MLLT3: variants seen among roughly 807,000 people sequenced by gnomAD.
MLLT3 encodes the protein MLLT3 super elongation complex subunit.
In MLLT3, 4 loss-of-function variants were observed where a neutral mutation model predicts 53.2. The observed-to-expected ratio is 0.08, with a 90% CI of 0.04 to 0.17. The LOEUF is 0.17. MLLT3 is among the 10% of genes least tolerant of loss of function. MLLT3 has a pLI of 1.00. For missense variants in MLLT3, 569 were observed against 684.0 expected (o/e 0.83, Z 1.87); for synonymous variants, 283 against 230.6 (o/e 1.23, Z -2.06).
intron 2 of MLLT3, among the ~76,000 whole-genome samples, chr9:20,567,544 A>G (rs1819411814): frequency 6.6e-6 from 1 of 152,086 alleles, no homozygotes; most frequent in Non-Finnish European, 1.5e-5. Context: ...ATTTCATTTA[A>G]TTTGGCTTAT....
chr9:20,457,455 G>A (rs1038956706), intron 2 of MLLT3, among the ~76,000 whole-genome samples: 1 of 151,554 alleles, frequency 6.6e-6, no homozygotes, highest in African/African-American at 2.4e-5. Flanking sequence ...CTCCATGTTG[G>A]TCATGCTGGT....
intron 2 of MLLT3, among the ~76,000 whole-genome samples, chr9:20,483,671 TAAC>T (rs1347733749): frequency 4.7e-5 from 7 of 147,772 alleles, no homozygotes; most frequent in Non-Finnish European, 8.9e-5. Flanking sequence ...GATGTTACAC[TAAC>T]GAGATAACAC....
intron 5 of MLLT3, among the ~76,000 whole-genome samples, chr9:20,381,763 T>C (rs1391019228): frequency 6.6e-6 from 1 of 151,894 alleles, no homozygotes; most frequent in Non-Finnish European, 1.5e-5. Flanking sequence ...TTTACTTTTA[T>C]ATTTAAAAAT....
chr9:20,511,432 C>T (rs1432001693), intron 2 of MLLT3, among the ~76,000 whole-genome samples: 1 of 152,144 alleles, frequency 6.6e-6, no homozygotes, highest in African/African-American at 2.4e-5. Flanking sequence ...TTAAGTATAA[C>T]ACAATGAGTT....
intron 2 of MLLT3, among the ~76,000 whole-genome samples, chr9:20,459,133 A>G (rs1824045383): frequency 6.6e-6 from 1 of 152,160 alleles, no homozygotes; most frequent in Non-Finnish European, 1.5e-5. Context: ...TATTACAGAA[A>G]TGATGTTGAT....
intron 5 of MLLT3, among the ~76,000 whole-genome samples, chr9:20,374,701 T>C (rs142557925): frequency 6.6e-6 from 1 of 152,184 alleles, no homozygotes; most frequent in Non-Finnish European, 1.5e-5. Flanking sequence ...TAAAAAGATA[T>C]ATAAAAATGA....
In MLLT3 at chr9:20,620,954, G is replaced by A. The variant is rs780279461; in HGVS notation, c.13-120C>T. 8.7e-7 allele frequency: 1 copy of A among 1,145,370 alleles called. No individual in the cohort carries two copies. Among genetic ancestry groups the A allele is most frequent in the Non-Finnish European group, 1.3e-6 (1 of 784,582 alleles). 71.0% of individuals were successfully genotyped at this position (1,145,370 alleles called of 1,614,324 possible). A position where few individuals can be genotyped will look rare whatever the true frequency, so the allele number is the denominator to read the frequency against. ...AACGCACATAAAAGGAAACGGCGGT[G>A]CCCTCTGCATCCACGTTTCACGCGC... On this transcript the variant is annotated intron_variant, in intron 1 of 10. Transcript: ENST00000380338. The surrounding 1 kb of genome is among the most constrained non-coding windows in gnomAD (Gnocchi z 6.1).
At chr9:20,491,565 T>G (rs1045804899) in intron 2 of MLLT3, among the ~76,000 whole-genome samples, 3 of 152,140 alleles carry the variant, frequency 2.0e-5, no homozygotes, top group African/African-American at 7.2e-5. Context: ...AAATGGCATT[T>G]CCTACTCCTC....
chr9:20,508,146 G>A (rs1454229998), intron 2 of MLLT3, among the ~76,000 whole-genome samples: 1 of 152,046 alleles, frequency 6.6e-6, no homozygotes, highest in Non-Finnish European at 1.5e-5. Context: ...TTAAAATACT[G>A]CAACTTTCCC....
intron 2 of MLLT3, among the ~76,000 whole-genome samples, chr9:20,619,237 A>G (rs1820923528): frequency 6.6e-6 from 1 of 152,250 alleles, no homozygotes; most frequent in Non-Finnish European, 1.5e-5. Context: ...TAGGCCATGC[A>G]TATTTCTAGC....
chr9:20,452,723 G>A (rs578187398), intron 3 of MLLT3, among the ~76,000 whole-genome samples: 2 of 152,096 alleles, frequency 1.3e-5, no homozygotes, highest in Admixed American at 6.5e-5. Flanking sequence ...ATATCCAGCT[G>A]GACCTTGGGG....
At chr9:20,369,458 C>A (rs1821538823) in intron 5 of MLLT3, among the ~76,000 whole-genome samples, 1 of 152,160 alleles carries the variant, frequency 6.6e-6, no homozygotes, top group African/African-American at 2.4e-5. Flanking sequence ...TATCCAGAGG[C>A]AGCTTGAAAG....
intron 2 of MLLT3, among the ~76,000 whole-genome samples, chr9:20,531,161 G>T (rs10964596): frequency 8.3e-6 from 1 of 120,810 alleles, no homozygotes; most frequent in Non-Finnish European, 1.6e-5. Flanking sequence ...TGGAAACATA[G>T]TCTTGCTCTT....
rs187010661 is a variant in MLLT3, at chr9:20,501,470, G to A, written c.194-44684C>T. Reference sequence around the variant, plus strand: ...AGGAGACTCAGTTAAAACCACACCCGGCCGGGCACGGTGGCTCACGCCTGT... The same window carrying A: ...AGGAGACTCAGTTAAAACCACACCCAGCCGGGCACGGTGGCTCACGCCTGT... On this transcript the variant is annotated intron_variant, in intron 2 of 10. Coordinates refer to ENST00000380338, the MANE Select transcript of MLLT3 (RefSeq NM_004529.4). 1.0e-3 allele frequency among the ~76,000 whole-genome samples: 152 copies of A among 152,206 alleles called. 1 individual carries two copies. Among genetic ancestry groups the A allele is most frequent in the African/African-American group, 3.3e-3 (135 of 41,526 alleles).
At chr9:20,412,745 C>T (rs1822761453) in intron 5 of MLLT3, among the ~76,000 whole-genome samples, 1 of 152,076 alleles carries the variant, frequency 6.6e-6, no homozygotes, top group Non-Finnish European at 1.5e-5. Flanking sequence ...CTGATCATTA[C>T]TAATAAGTAA....
At chr9:20,525,126 T>TAAAAAAAAAAAAAAA (rs757232208) in intron 2 of MLLT3, among the ~76,000 whole-genome samples, 1 of 56,132 alleles carries the variant, frequency 1.8e-5, no homozygotes. Flanking sequence ...GAAGAAAGAC[T>TAAAAAAAAAAAAAAA]AAAAAAAAAA....
intron 2 of MLLT3, among the ~76,000 whole-genome samples, chr9:20,567,380 T>C (rs1819407271): frequency 6.6e-6 from 1 of 151,802 alleles, no homozygotes; most frequent in Non-Finnish European, 1.5e-5. Flanking sequence ...GTATAAATTC[T>C]TTAACTTTTT....
intron 2 of MLLT3, among the ~76,000 whole-genome samples, chr9:20,604,839 C>A (rs758674390): frequency 1.3e-5 from 2 of 152,094 alleles, no homozygotes; most frequent in African/African-American, 4.8e-5. Flanking sequence ...AGTACGTTTA[C>A]TTGACAAGCT....
chr9:20,465,416 A>G (rs539086815), intron 2 of MLLT3, among the ~76,000 whole-genome samples: 36 of 152,278 alleles, frequency 2.4e-4, no homozygotes, highest in African/African-American at 8.4e-4. Flanking sequence ...CTTACCTAAC[A>G]TGAAATTTCA....
Sources: gnomAD v4.1 joint callset for allele counts (sites outside exome capture counted in the v4.1 genomes callset) on GRCh38, gnomAD v4.1.1 for gene constraint, Gnocchi (gnomAD v3.1) non-coding constraint, MANE v1.5 for transcripts, NCBI Gene and HGNC (gene_info 2026-07-23, HGNC 2026-07-21) for gene names.